KLF5: variants seen among roughly 807,000 people sequenced by gnomAD.
The protein encoded by KLF5 is KLF transcription factor 5.
KLF5 carries 9 observed loss-of-function variants against 36.9 expected under a neutral mutation model. The ratio of observed to expected loss-of-function variants is 0.24; its 90% CI spans 0.15 to 0.43. KLF5 has a LOEUF of 0.43. Ranked by LOEUF, KLF5 falls within the 20% of genes least tolerant of loss-of-function variation. KLF5 has a pLI of 1.00. For missense variants in KLF5, 524 were observed against 599.5 expected (o/e 0.87, Z 1.31); for synonymous variants, 246 against 241.7 (o/e 1.02, Z -0.17).
chr13:73,077,472 T>G lies in KLF5; in HGVS notation c.*1586T>G, dbSNP rs1594401182. On this transcript the variant is annotated 3_prime_UTR_variant, in exon 4 of 4. Coordinates refer to ENST00000377687, the MANE Select transcript of KLF5 (RefSeq NM_001730.5). ...ACAGCTGTATAGTTGTAGAATTTTT[T>G]GAGAGAATGAGATGTTTATATATTA... 6.5e-6 allele frequency: 1 copy of G among 152,778 alleles called. No homozygotes were observed. Among genetic ancestry groups the G allele is most frequent in the East Asian group, 1.9e-4 (1 of 5,190 alleles). 9.5% of individuals were successfully genotyped at this position (152,778 alleles called of 1,614,324 possible).
intron 3 of KLF5, among the ~76,000 whole-genome samples, chr13:73,071,674 T>G (rs975635829): frequency 6.6e-6 from 1 of 152,196 alleles, no homozygotes; most frequent in Middle Eastern, 3.2e-3. Flanking sequence ...CTAAATTTCG[T>G]AAGTCTCAAA....
chr13:73,059,965 GC>G lies in KLF5; in HGVS notation c.261+379del, dbSNP rs2044620599. 6 of 207,256 alleles carry G rather than the reference GC, an allele frequency of 2.9e-5. No homozygotes were observed. In the Admixed American group the frequency reaches 3.9e-4, roughly 14 times the overall value. The allele number at this position is 207,256 out of a possible 1,614,324, so 12.8% of individuals were successfully genotyped here. ...GCCTTCGCCTGTACCGCTCTCCAAT[GC>G]CAAGGCATTGGAGCCCTCCCCCCCA... On this transcript the variant is annotated intron_variant, in intron 1 of 3. Transcript: ENST00000377687.
chr13:73,073,756 A>G (rs2044738978), intron 3 of KLF5, among the ~76,000 whole-genome samples: 1 of 152,196 alleles, frequency 6.6e-6, no homozygotes, highest in South Asian at 2.1e-4. Context: ...AACTAATAGT[A>G]CTGTGCAAAA....
intron 1 of KLF5, among the ~76,000 whole-genome samples, chr13:73,061,155 GA>G (rs2044632272): frequency 6.6e-6 from 1 of 152,168 alleles, no homozygotes; most frequent in South Asian, 2.1e-4. Flanking sequence ...ATAGGGATAT[GA>G]ATAGGAACAT....
chr13:73,062,773 G>GTGTT, intron 2 of KLF5, 39 bp downstream of exon 2: 2 of 1,233,834 alleles, frequency 1.6e-6, no homozygotes, highest in South Asian at 3.1e-5. Flanking sequence ...AATAGATGTA[G>GTGTT]TGTGTGTGTG....
rs1403368972 is a variant in KLF5 at position 73,059,126 on chromosome 13, CG to C, written c.-201del. On this transcript the variant is annotated 5_prime_UTR_variant, in exon 1 of 4. Coordinates refer to ENST00000377687, the MANE Select transcript of KLF5 (RefSeq NM_001730.5). Reference sequence around the variant, plus strand: ...CGGGAGAAAGTGGCCGCCCGGAGGACGTTGGCGTTTACGTGTGGAAGAGCGG... The same window carrying C: ...CGGGAGAAAGTGGCCGCCCGGAGGACTTGGCGTTTACGTGTGGAAGAGCGG... The C allele has an allele frequency of 2.4e-6, 1 of 423,360 alleles. No homozygotes were observed. Among genetic ancestry groups the C allele is most frequent in the African/African-American group, 2.1e-5 (1 of 48,546 alleles). The allele number at this position is 423,360 out of a possible 1,614,324, so 26.2% of individuals were successfully genotyped here. A position where few individuals can be genotyped will look rare whatever the true frequency, so the allele number is the denominator to read the frequency against.
At chr13:73,063,599 T>C (rs1163537755) in intron 2 of KLF5, among the ~76,000 whole-genome samples, 3 of 152,226 alleles carry the variant, frequency 2.0e-5, no homozygotes, top group Admixed American at 2.0e-4. Context: ...TTTGGCTTGA[T>C]TATCTGTATT....
At position 73,059,368 on chromosome 13, in the gene KLF5, C is replaced by A; in HGVS notation, c.41C>A (p.Pro14His). 1.4e-6 allele frequency: 2 copies of A among 1,418,290 alleles called. No homozygotes were observed. The highest frequency in any genetic ancestry group is 2.7e-5 in the Admixed American group (1 of 36,446). The allele number at this position is 1,418,290 out of a possible 1,614,324, so 87.9% of individuals were successfully genotyped here. The change falls in exon 1 of 4, where the codon CCC (proline) becomes CAC (histidine). Residue 14 changes from proline (P) to histidine (H), a missense_variant. Transcript: ENST00000377687. ...CTGAGCATGAGCGCCCGCCTGGGAC[C>A]CGTGCCCCAGCCGCCGGCGCCGCAG... ...RVLSMSARLG[P>H]VPQPPAPQDE...
At chr13:73,060,018 A>G (rs1455684568) in intron 1 of KLF5, among the ~76,000 whole-genome samples, 4 of 151,804 alleles carry the variant, frequency 2.6e-5, no homozygotes, top group Admixed American at 2.6e-4. Context: ...TTAAGTAGAA[A>G]CGCAAATTGG....
intron 3 of KLF5, among the ~76,000 whole-genome samples, chr13:73,064,718 A>G (rs1313954058): frequency 2.6e-5 from 4 of 152,064 alleles, no homozygotes; most frequent in African/African-American, 4.8e-5. Flanking sequence ...TGATTTTTGT[A>G]TCTCTAGTAG....
At chr13:73,066,322 T>G (rs923050590) in intron 3 of KLF5, among the ~76,000 whole-genome samples, 2 of 54,430 alleles carry the variant, frequency 3.7e-5, no homozygotes, top group Non-Finnish European at 7.6e-5. Flanking sequence ...AGCAAAGGTG[T>G]TTTTTTTTTT....
intron 3 of KLF5, among the ~76,000 whole-genome samples, chr13:73,066,759 A>G (rs1366085040): frequency 6.6e-6 from 1 of 152,204 alleles, no homozygotes; most frequent in Non-Finnish European, 1.5e-5. Context: ...GACAGAGTAG[A>G]TGATATATCA....
intron 3 of KLF5, among the ~76,000 whole-genome samples, chr13:73,069,320 ATAG>A (rs1253076515): frequency 6.6e-6 from 1 of 152,180 alleles, no homozygotes; most frequent in South Asian, 2.1e-4. Flanking sequence ...TCGAGAAATA[ATAG>A]TGGTTAAATG....
chr13:73,072,449 A>C (rs979473467), intron 3 of KLF5, among the ~76,000 whole-genome samples: 4 of 152,340 alleles, frequency 2.6e-5, no homozygotes, highest in African/African-American at 9.6e-5. Context: ...CTGGGGTTCA[A>C]GGCTTGCTGT....
chr13:73,073,936 C>T (rs2044740758), intron 3 of KLF5, among the ~76,000 whole-genome samples: 1 of 152,090 alleles, frequency 6.6e-6, no homozygotes, highest in Non-Finnish European at 1.5e-5. Flanking sequence ...TGGTTAGAAT[C>T]TACTATGAGG....
chr13:73,076,994 C>G lies in KLF5; in HGVS notation c.*1108C>G, dbSNP rs966325684. On this transcript the variant is annotated 3_prime_UTR_variant, in exon 4 of 4. Coordinates refer to ENST00000377687, the MANE Select transcript of KLF5 (RefSeq NM_001730.5). ...GTGCAGTTTAGTTAATCTATTAATA[C>G]TGACTCAGTGTCTGCCTTTAAATAT... 1 of 152,512 alleles carries G rather than the reference C, an allele frequency of 6.6e-6. No individual in the cohort carries two copies. The highest frequency in any genetic ancestry group is 1.5e-5 in the Non-Finnish European group (1 of 68,034). 9.4% of individuals were successfully genotyped at this position (152,512 alleles called of 1,614,324 possible).
chr13:73,068,274 C>T (rs1400135725), intron 3 of KLF5, among the ~76,000 whole-genome samples: 2 of 152,180 alleles, frequency 1.3e-5, no homozygotes, highest in East Asian at 3.9e-4. Flanking sequence ...GCCTTACTGT[C>T]TTTTGCAGAA....
chr13:73,063,980 C>G, intron 3 of KLF5, 97 bp downstream of exon 3: 1 of 420,074 alleles, frequency 2.4e-6, no homozygotes, highest in Non-Finnish European at 4.2e-6. Flanking sequence ...CTTCTCCTGT[C>G]AACTTTGTTT....
intron 3 of KLF5, among the ~76,000 whole-genome samples, chr13:73,072,336 G>T (rs571247240): frequency 6.6e-6 from 1 of 152,156 alleles, no homozygotes; most frequent in South Asian, 2.1e-4. Context: ...AGGAGCTATC[G>T]TTAGGTGATA....
Sources: gnomAD v4.1 joint callset for allele counts (sites outside exome capture counted in the v4.1 genomes callset) on GRCh38, gnomAD v4.1.1 for gene constraint, MANE v1.5 for transcripts, NCBI Gene and HGNC (gene_info 2026-07-23, HGNC 2026-07-21) for gene names.